The following STK4 variants were observed in gnomAD, a reference collection of about 807,000 sequenced individuals.
STK4 encodes the protein serine/threonine kinase 4, also known as serine/threonine-protein kinase 4.
STK4 carries 30 observed loss-of-function variants against 64.9 expected under a neutral mutation model. The observed-to-expected ratio is 0.46, with a 90% CI of 0.35 to 0.63. The LOEUF is 0.63. STK4 is among the 20% of genes least tolerant of loss of function. The pLI, the probability that STK4 is intolerant of heterozygous loss-of-function variation, is 0.01. For synonymous variants in STK4, 177 were observed against 199.0 expected (o/e 0.89, Z 0.93); for missense variants, 466 against 598.5 (o/e 0.78, Z 2.31).
chr20:45,033,210 CAT>C (rs1299671724), intron 10 of STK4, among the ~76,000 whole-genome samples: 1 of 152,136 alleles, frequency 6.6e-6, no homozygotes, highest in Non-Finnish European at 1.5e-5. Flanking sequence ...AATTTTCTCC[CAT>C]TTTGTAGGTT....
chr20:45,049,125 C>T (rs938751487), intron 10 of STK4, among the ~76,000 whole-genome samples: 3 of 152,118 alleles, frequency 2.0e-5, no homozygotes, highest in Non-Finnish European at 2.9e-5. Flanking sequence ...CATCAGCTGC[C>T]GAGGGTACCC....
At chr20:45,027,448 A>G (rs1002709079) in intron 10 of STK4, among the ~76,000 whole-genome samples, 38 of 151,650 alleles carry the variant, frequency 2.5e-4, no homozygotes, top group Non-Finnish European at 3.2e-4. Context: ...AAAAAAAAAA[A>G]AAGAAGTTAG....
At chr20:44,997,079 A>G in intron 6 of STK4, 90 bp from the exon 7 acceptor site, 1 of 1,573,328 alleles carries the variant, frequency 6.4e-7, no homozygotes, top group Non-Finnish European at 8.7e-7. Flanking sequence ...ATCATTTACC[A>G]AGCTTCAAAT....
rs539281741 is a variant in STK4, at chr20:45,003,060, G to T, written c.1147+1707G>T. Among the ~76,000 whole-genome samples, 5 of 152,098 alleles carry T rather than the reference G, an allele frequency of 3.3e-5. No individual in the cohort carries two copies. In the South Asian group the frequency reaches 6.2e-4, roughly 19 times the overall value. On this transcript the variant is annotated intron_variant, in intron 9 of 10. Transcript: ENST00000372806. ...GGGTCTTGTTCTTGCCCAGGTTAGC[G>T]TACAGTAGGTATGATCAGCTCACTG... is the stretch of plus-strand genomic sequence containing the variant.
In STK4 at chr20:45,023,053, A is replaced by G. The variant is rs553444393; in HGVS notation, c.1148-1920A>G. On this transcript the variant is annotated intron_variant, in intron 9 of 10. Transcript: ENST00000372806. ...TTGCTCTTTTTTGTTACCACAATAA[A>G]GTGGTCAAAGACTGATTTTTCCTTT... Among the ~76,000 whole-genome samples, 385 of 152,114 alleles carry G rather than the reference A, an allele frequency of 2.5e-3. 6 individuals are homozygous for G. Among genetic ancestry groups the G allele is most frequent in the Non-Finnish European group, 3.7e-3 (254 of 67,974 alleles).
At chr20:45,016,559 T>C (rs1242895548) in intron 9 of STK4, among the ~76,000 whole-genome samples, 1 of 152,182 alleles carries the variant, frequency 6.6e-6, no homozygotes, top group Admixed American at 6.5e-5. Context: ...CTTTTATCTT[T>C]GGAAACCATT....
rs778222995 is a variant in STK4 at position 45,075,190 on chromosome 20, G to C, written c.*14G>C. On this transcript the variant is annotated 3_prime_UTR_variant, in exon 11 of 11. Transcript: ENST00000372806. The stretch of plus-strand genomic sequence containing the variant: ...CAAAACTTCTGAGCAAGGCCAGGCT[G>C]TGAGGGCCCCAGCTCCACCCAGGCT... The C allele has an allele frequency of 2.5e-6, 4 of 1,612,062 alleles. No homozygotes were observed. Among genetic ancestry groups the C allele is most frequent in the African/African-American group, 2.7e-5 (2 of 74,914 alleles).
chr20:45,066,813 T>C (rs2145476515), intron 10 of STK4, among the ~76,000 whole-genome samples: 1 of 152,336 alleles, frequency 6.6e-6, no homozygotes, highest in East Asian at 1.9e-4. Flanking sequence ...TGACCATAAT[T>C]TGAGTCAGAG....
At chr20:45,034,838 G>T (rs1156315369) in intron 10 of STK4, among the ~76,000 whole-genome samples, 1 of 152,076 alleles carries the variant, frequency 6.6e-6, no homozygotes, top group African/African-American at 2.4e-5. Flanking sequence ...GATCTCTTGA[G>T]CCCAGGAGTT....
chr20:44,973,147 A>T (rs1419819961), intron 2 of STK4: 1 of 152,174 alleles, frequency 6.6e-6, no homozygotes, highest in Non-Finnish European at 1.5e-5. Context: ...TCTTTAAAAT[A>T]ATTTCCTTTA....
intron 10 of STK4, among the ~76,000 whole-genome samples, chr20:45,062,909 C>G (rs1275247958): frequency 7.2e-6 from 1 of 139,018 alleles, no homozygotes; most frequent in Non-Finnish European, 1.5e-5. Flanking sequence ...CCAGAACGGT[C>G]TCAATCTCCT....
intron 10 of STK4, among the ~76,000 whole-genome samples, chr20:45,074,426 T>C (rs1380252608): frequency 1.3e-5 from 2 of 152,168 alleles, no homozygotes; most frequent in Non-Finnish European, 2.9e-5. Context: ...GTTGCGTCTG[T>C]ATTCCCAAGG....
At chr20:45,053,422 A>T (rs1978301939) in intron 10 of STK4, among the ~76,000 whole-genome samples, 1 of 152,178 alleles carries the variant, frequency 6.6e-6, no homozygotes, top group African/African-American at 2.4e-5. Context: ...GCTGCTTGGC[A>T]GGCTTCTTCT....
At chr20:45,058,261 T>C (rs935526480) in intron 10 of STK4, among the ~76,000 whole-genome samples, 6 of 152,296 alleles carry the variant, frequency 3.9e-5, no homozygotes, top group African/African-American at 1.4e-4. Context: ...ATTTCTTTTT[T>C]GGGTATTTAG....
chr20:44,971,740 G>A (rs1342149598), intron 1 of STK4, among the ~76,000 whole-genome samples: 1 of 142,110 alleles, frequency 7.0e-6, no homozygotes. Flanking sequence ...GCGCAATTTC[G>A]GTTCACTGCA....
intron 9 of STK4, among the ~76,000 whole-genome samples, chr20:45,009,800 T>C (rs1476359970): frequency 6.6e-6 from 1 of 152,184 alleles, no homozygotes; most frequent in South Asian, 2.1e-4. Context: ...CTGTTGTAAG[T>C]AGGATTGTGT....
intron 9 of STK4, among the ~76,000 whole-genome samples, chr20:45,020,418 A>G (rs889260664): frequency 6.7e-5 from 10 of 148,736 alleles, no homozygotes; most frequent in African/African-American, 2.0e-4. Flanking sequence ...TTTTTTCCAG[A>G]TTTAGGGGTG....
intron 10 of STK4, among the ~76,000 whole-genome samples, chr20:45,072,790 A>C (rs1241059601): frequency 1.3e-5 from 2 of 152,244 alleles, no homozygotes; most frequent in Non-Finnish European, 2.9e-5. Context: ...CAGCTTATTT[A>C]TGGAAGATTA....
intron 8 of STK4, 82 bp downstream of exon 8, chr20:45,000,602 G>A (rs762421106): frequency 1.3e-6 from 2 of 1,578,254 alleles, no homozygotes; most frequent in Non-Finnish European, 1.7e-6. Flanking sequence ...ATGAGTAGGA[G>A]GTATTGGATC....
Sources: gnomAD v4.1 joint callset for allele counts (sites outside exome capture counted in the v4.1 genomes callset) on GRCh38, gnomAD v4.1.1 for gene constraint, MANE v1.5 for transcripts, NCBI Gene and HGNC (gene_info 2026-07-23, HGNC 2026-07-21) for gene names.